Variants in IGSF11 observed in about 807,000 individuals in gnomAD.
The protein encoded by IGSF11 is immunoglobulin superfamily member 11.
IGSF11 carries 22 observed loss-of-function variants against 41.0 expected under a neutral mutation model. The ratio of observed to expected loss-of-function variants is 0.54; its 90% CI spans 0.38 to 0.77. The LOEUF is 0.77. IGSF11 is among the 30% of genes least tolerant of loss of function. The probability of loss-of-function intolerance (pLI) is 0.00; values close to 1 mark genes in which losing one functional copy is unlikely to be tolerated. For missense variants in IGSF11, 444 were observed against 530.8 expected (o/e 0.84, Z 1.61); for synonymous variants, 219 against 201.3 (o/e 1.09, Z -0.74).
chr3:118,999,645 C>T (rs1238105340), intron 1 of IGSF11, among the ~76,000 whole-genome samples: 2 of 152,108 alleles, frequency 1.3e-5, no homozygotes, highest in African/African-American at 4.8e-5. Context: ...CTGTATGTCA[C>T]TTGTTAAATG....
chr3:119,044,524 A>G (rs1941243458), intron 1 of IGSF11, among the ~76,000 whole-genome samples: 1 of 152,220 alleles, frequency 6.6e-6, no homozygotes, highest in Admixed American at 6.5e-5. Flanking sequence ...TGGTCTTGCT[A>G]GAGATCCAGA....
At chr3:119,095,788 T>C (rs905386544) in intron 1 of IGSF11, among the ~76,000 whole-genome samples, 2 of 152,184 alleles carry the variant, frequency 1.3e-5, no homozygotes, top group Non-Finnish European at 2.9e-5. Flanking sequence ...AGCAAGCCTA[T>C]TCTTTGGGGG....
At chr3:118,921,360 G>C (rs1414040665) in intron 4 of IGSF11, among the ~76,000 whole-genome samples, 4 of 151,874 alleles carry the variant, frequency 2.6e-5, no homozygotes, top group Non-Finnish European at 5.9e-5. Flanking sequence ...AGTTACAAAA[G>C]GTTAGATAAA....
intron 1 of IGSF11, among the ~76,000 whole-genome samples, chr3:119,134,421 C>G (rs1187919210): frequency 6.6e-6 from 1 of 152,122 alleles, no homozygotes; most frequent in African/African-American, 2.4e-5. Flanking sequence ...ACACCAATAA[C>G]AGACAAACAG....
intron 1 of IGSF11, among the ~76,000 whole-genome samples, chr3:119,013,504 C>A (rs951623323): frequency 6.6e-6 from 1 of 152,176 alleles, no homozygotes; most frequent in Non-Finnish European, 1.5e-5. Flanking sequence ...GTGGCCGACA[C>A]TTAGCTCCTA....
At chr3:118,904,124 G>GCCCGAA (rs760656423) in intron 6 of IGSF11, among the ~76,000 whole-genome samples, 49 of 152,164 alleles carry the variant, frequency 3.2e-4, no homozygotes, top group Admixed American at 9.8e-4. Context: ...CTGAGACTGA[G>GCCCGAA]CCCGAACCCT....
In IGSF11 at chr3:119,020,199, G is replaced by A. The variant is rs1576661879; in HGVS notation, c.52+14332C>T. On this transcript the variant is annotated intron_variant, in intron 1 of 6. Transcript: ENST00000393775. The stretch of plus-strand genomic sequence containing the variant: ...CCAAACAGAGGAAGATGCTGATCTT[G>A]AAATCCCTGCACAGACCTCTACATT... Among the ~76,000 whole-genome samples the A allele has an allele frequency of 2.0e-5, 3 of 152,274 alleles. No homozygotes were observed. The South Asian group carries it at 6.2e-4, about 32-fold the overall frequency.
chr3:118,984,514 T>C (rs1935065871), intron 1 of IGSF11, among the ~76,000 whole-genome samples: 1 of 152,022 alleles, frequency 6.6e-6, no homozygotes, highest in Admixed American at 6.6e-5. Context: ...ATCTGGGATG[T>C]TTTACCTTAA....
chr3:119,028,393 G>A (rs1377596861), intron 1 of IGSF11, among the ~76,000 whole-genome samples: 2 of 152,066 alleles, frequency 1.3e-5, no homozygotes, highest in East Asian at 3.9e-4. Flanking sequence ...TAGTAATGTA[G>A]GGAAAAAGAG....
chr3:119,034,447 C>A, intron 1 of IGSF11, 84 bp downstream of exon 1: 1 of 1,284,362 alleles, frequency 7.8e-7, no homozygotes, highest in Middle Eastern at 2.7e-4. Context: ...AGCAAGGAGG[C>A]TCTTTGCCGT....
chr3:119,137,017 TA>T (rs1364308341), intron 1 of IGSF11, among the ~76,000 whole-genome samples: 1 of 151,948 alleles, frequency 6.6e-6, no homozygotes, highest in African/African-American at 2.4e-5. Flanking sequence ...AGGAATTAAT[TA>T]AAGTGAAAGA....
chr3:119,023,009 C>CCCCG (rs1559805195), intron 1 of IGSF11, among the ~76,000 whole-genome samples: 1 of 151,924 alleles, frequency 6.6e-6, no homozygotes, highest in Non-Finnish European at 1.5e-5. Context: ...TGCCTGTAAC[C>CCCCG]CCCGCACTTT....
At chr3:119,098,145 T>C (rs1462248389) in intron 1 of IGSF11, among the ~76,000 whole-genome samples, 1 of 151,876 alleles carries the variant, frequency 6.6e-6, no homozygotes, top group Non-Finnish European at 1.5e-5. Context: ...GGAAACAGTA[T>C]AGTACAGTGA....
At chr3:119,011,170 G>C (rs949269351) in intron 1 of IGSF11, among the ~76,000 whole-genome samples, 2 of 152,218 alleles carry the variant, frequency 1.3e-5, no homozygotes, top group Non-Finnish European at 2.9e-5. Context: ...AACTGTGGAA[G>C]TGACTGGCGT....
chr3:118,987,186 A>T (rs1036879298), intron 1 of IGSF11, among the ~76,000 whole-genome samples: 3 of 152,202 alleles, frequency 2.0e-5, no homozygotes, highest in Non-Finnish European at 2.9e-5. Flanking sequence ...TACTATAAAG[A>T]GGTACAAGGC....
At chr3:119,001,318 A>G (rs1288383417) in intron 1 of IGSF11, among the ~76,000 whole-genome samples, 2 of 151,560 alleles carry the variant, frequency 1.3e-5, no homozygotes, top group East Asian at 3.8e-4. Flanking sequence ...TTTTGCCAAT[A>G]GAATGTAAAT....
intron 1 of IGSF11, among the ~76,000 whole-genome samples, chr3:119,141,998 G>A (rs563749768): frequency 2.0e-5 from 3 of 152,138 alleles, no homozygotes; most frequent in South Asian, 2.1e-4. Context: ...GTTTCTGGCC[G>A]GGCGCGGTGG....
chr3:119,073,243 G>T (rs1031420396), intron 1 of IGSF11, among the ~76,000 whole-genome samples: 1 of 152,152 alleles, frequency 6.6e-6, no homozygotes, highest in African/African-American at 2.4e-5. Context: ...CCTTGAGCTA[G>T]ACACAGGGTG....
At chr3:118,964,573 T>C (rs1210629805) in intron 1 of IGSF11, among the ~76,000 whole-genome samples, 2 of 152,300 alleles carry the variant, frequency 1.3e-5, no homozygotes, top group Middle Eastern at 3.4e-3. Flanking sequence ...GAAGACATTT[T>C]ACACTTTTAA....
Sources: allele counts gnomAD v4.1 joint callset (sites outside exome capture counted in the v4.1 genomes callset), GRCh38; gene constraint gnomAD v4.1.1; transcripts MANE v1.5; gene names NCBI Gene and HGNC (gene_info 2026-07-23, HGNC 2026-07-21).